The following BACH2 variants were observed in gnomAD, a reference collection of about 807,000 sequenced individuals.
BACH2 encodes transcription regulator protein BACH2.
In BACH2, 5 loss-of-function variants were observed where a neutral mutation model predicts 61.8. The observed-to-expected ratio is 0.08, with a 90% CI of 0.04 to 0.17. The LOEUF (loss-of-function observed/expected upper bound fraction) is 0.17. Ranked by LOEUF, BACH2 falls within the 10% of genes least tolerant of loss-of-function variation. BACH2 has a pLI of 1.00. For synonymous variants in BACH2, 446 were observed against 440.1 expected, an observed-to-expected ratio of 1.01 and a Z score of -0.17; for missense variants, 824 against 1,091.1, an observed-to-expected ratio of 0.76 and a Z score of 3.45.
At chr6:89,998,518 G>T (rs1040215897) in intron 6 of BACH2, among the ~76,000 whole-genome samples, 7 of 151,996 alleles carry the variant, frequency 4.6e-5, no homozygotes, top group Non-Finnish European at 8.8e-5. Context: ...AACCAAAAGT[G>T]TTATTATTTA....
chr6:90,139,717 T>C (rs1218811517), intron 4 of BACH2, among the ~76,000 whole-genome samples: 1 of 152,194 alleles, frequency 6.6e-6, no homozygotes, highest in Non-Finnish European at 1.5e-5. Context: ...TTATCTTCCA[T>C]TTGAACACTA....
chr6:89,990,570 A>G (rs1257713202), intron 6 of BACH2, among the ~76,000 whole-genome samples: 1 of 151,896 alleles, frequency 6.6e-6, no homozygotes, highest in East Asian at 1.9e-4. Context: ...AGTTTGCAAG[A>G]AAAACTAAAA....
At chr6:89,959,015 G>A (rs747030022) in intron 6 of BACH2, among the ~76,000 whole-genome samples, 1 of 151,842 alleles carries the variant, frequency 6.6e-6, no homozygotes, top group South Asian at 2.1e-4. Flanking sequence ...GGACCCCTCT[G>A]AGCATGGGGC....
At position 90,028,279 on chromosome 6, in the gene BACH2, C is replaced by A. The variant is rs190327756; in HGVS notation, c.-12-19423G>T. ...AATGTCTGCTCTTATGGGCACTTAG[C>A]CCTGATATAGTTCACTCTCATGCCA... is the stretch of plus-strand genomic sequence containing the variant. On this transcript the variant is annotated intron_variant, in intron 5 of 8. Coordinates refer to ENST00000257749, the MANE Select transcript of BACH2 (RefSeq NM_021813.4). Among the ~76,000 whole-genome samples, 11 of 152,328 alleles carry A rather than the reference C, an allele frequency of 7.2e-5. No individual in the cohort carries two copies. The East Asian group carries it at 2.1e-3, about 29-fold the overall frequency.
At chr6:90,161,588 T>A (rs1023975871) in intron 4 of BACH2, among the ~76,000 whole-genome samples, 1 of 152,212 alleles carries the variant, frequency 6.6e-6, no homozygotes, top group Non-Finnish European at 1.5e-5. Context: ...TGATTAGGCA[T>A]AGTTAAGCAA....
chr6:90,043,527 TC>T (rs1779642096), intron 5 of BACH2, among the ~76,000 whole-genome samples: 1 of 145,836 alleles, frequency 6.9e-6, no homozygotes, highest in Non-Finnish European at 1.5e-5. Flanking sequence ...TTCCTCTCTC[TC>T]CTCCCTCACT....
rs780242149 is a variant in BACH2, at chr6:89,932,496, G to A, written c.2438C>T (p.Pro813Leu). Residue 813 changes from proline (P) to leucine (L), a missense_variant, in exon 9 of 9, where the codon CCC becomes CTC. Coordinates refer to ENST00000257749, the MANE Select transcript of BACH2 (RefSeq NM_021813.4). ...GTCCACGGTCACTGTTTGGCTCCTG[G>A]GTTCAAGAGGAGGTCCTCTCTCTGA... ...TFSERGPPLE[P>L]RSQTVTVDFC... 4 of 1,614,040 alleles carry A rather than the reference G, an allele frequency of 2.5e-6. No individual in the cohort carries two copies. The Admixed American group carries it at 6.7e-5, about 27-fold the overall frequency.
chr6:90,147,342 C>G (rs1426376552), intron 4 of BACH2, among the ~76,000 whole-genome samples: 1 of 152,024 alleles, frequency 6.6e-6, no homozygotes, highest in African/African-American at 2.4e-5. Flanking sequence ...TTCAGCTGTC[C>G]TCTCTCCAAA....
At chr6:90,231,326 A>T in intron 3 of BACH2, among the ~76,000 whole-genome samples, 1 of 152,170 alleles carries the variant, frequency 6.6e-6, no homozygotes, top group African/African-American at 2.4e-5. Flanking sequence ...AGACTATTCC[A>T]TCTGAGTATT....
At chr6:90,000,396 T>G (rs1777073042) in intron 6 of BACH2, among the ~76,000 whole-genome samples, 2 of 152,254 alleles carry the variant, frequency 1.3e-5, no homozygotes, top group African/African-American at 4.8e-5. Context: ...CTTATTTATT[T>G]GCTTTTTTTT....
chr6:90,176,091 C>T (rs1309252411), intron 4 of BACH2, among the ~76,000 whole-genome samples: 1 of 152,204 alleles, frequency 6.6e-6, no homozygotes, highest in Non-Finnish European at 1.5e-5. Context: ...CCCTTGTGGC[C>T]CTGCGTAGCA....
intron 1 of BACH2, among the ~76,000 whole-genome samples, chr6:90,273,011 G>C (rs951687730): frequency 1.3e-5 from 2 of 152,098 alleles, no homozygotes; most frequent in Admixed American, 6.5e-5. Context: ...GATCCTGGTG[G>C]CCATGCTTTG....
chr6:90,146,913 G>T (rs1236162495), intron 4 of BACH2, among the ~76,000 whole-genome samples: 1 of 152,072 alleles, frequency 6.6e-6, no homozygotes, highest in Non-Finnish European at 1.5e-5. Context: ...TGACAGTGAA[G>T]AAATAAAAAA....
chr6:89,950,651 C>T lies in BACH2; in HGVS notation c.1455G>A (p.Leu485=). 1 of 1,614,180 alleles carries T rather than the reference C, an allele frequency of 6.2e-7. No homozygotes were observed. The highest frequency in any genetic ancestry group is 8.5e-7 in the Non-Finnish European group (1 of 1,180,026). The change falls in exon 7 of 9, where the codon CTG becomes CTA. Residue 485 remains leucine (L), a synonymous_variant. Coordinates refer to ENST00000257749, the MANE Select transcript of BACH2 (RefSeq NM_021813.4). The surrounding 1 kb of genome is among the most constrained non-coding windows in gnomAD (Gnocchi z 5.3). ...TCCTTCCTGGCAAGTGGTCGGCCATCAGCCCACCGTGGGAGTAGGCCTGCG... is the reference window on the plus strand; with the variant it reads ...TCCTTCCTGGCAAGTGGTCGGCCATTAGCCCACCGTGGGAGTAGGCCTGCG... ...PSSQAYSHGG[L]MADHLPGRMR...
intron 3 of BACH2, among the ~76,000 whole-genome samples, chr6:90,216,472 G>A (rs112634722): frequency 1.7e-3 from 255 of 152,240 alleles, no homozygotes; most frequent in Non-Finnish European, 3.3e-3. Flanking sequence ...TCAGACGGTG[G>A]GGTCATTTCC....
chr6:90,024,872 T>C (rs1778554354), intron 5 of BACH2, among the ~76,000 whole-genome samples: 1 of 152,146 alleles, frequency 6.6e-6, no homozygotes, highest in Non-Finnish European at 1.5e-5. Context: ...TACTGAGCAA[T>C]AGTTCGGCAT....
At chr6:90,138,627 T>C (rs1002727992) in intron 4 of BACH2, among the ~76,000 whole-genome samples, 1 of 151,948 alleles carries the variant, frequency 6.6e-6, no homozygotes, top group Non-Finnish European at 1.5e-5. Context: ...TATAATAGCT[T>C]GGAGATGACA....
chr6:90,287,255 C>T (rs560434453), intron 1 of BACH2, among the ~76,000 whole-genome samples: 2 of 152,308 alleles, frequency 1.3e-5, no homozygotes, highest in African/African-American at 4.8e-5. Context: ...GATGTCACCA[C>T]CATGCTGACA....
At chr6:90,125,643 C>A (rs1308262705) in intron 4 of BACH2, among the ~76,000 whole-genome samples, 5 of 152,220 alleles carry the variant, frequency 3.3e-5, no homozygotes, top group Non-Finnish European at 5.9e-5. Context: ...GGGTCAGATG[C>A]TGTGTACTGG....
Sources: gnomAD v4.1 joint callset for allele counts (sites outside exome capture counted in the v4.1 genomes callset) on GRCh38, gnomAD v4.1.1 for gene constraint, Gnocchi (gnomAD v3.1) non-coding constraint, MANE v1.5 for transcripts, NCBI Gene and HGNC (gene_info 2026-07-23, HGNC 2026-07-21) for gene names.